Variants in DPYD observed in about 807,000 individuals in gnomAD.
The protein encoded by DPYD is dihydropyrimidine dehydrogenase, also known as dihydropyrimidine dehydrogenase [NADP(+)].
DPYD carries 109 observed loss-of-function variants against 116.2 expected under a neutral mutation model. The observed-to-expected ratio is 0.94, with a 90% CI of 0.80 to 1.10. The LOEUF is 1.10. Ranked by LOEUF, DPYD falls within the 50% of genes least tolerant of loss-of-function variation. The pLI is 0.00. For synonymous variants in DPYD, 440 were observed against 432.0 expected, an observed-to-expected ratio of 1.02 and a Z score of -0.23; for missense variants, 1,302 against 1,254.5, an observed-to-expected ratio of 1.04 and a Z score of -0.57.
intron 3 of DPYD, among the ~76,000 whole-genome samples, chr1:97,770,526 G>A (rs1392200909): frequency 1.3e-5 from 2 of 152,066 alleles, no homozygotes; most frequent in African/African-American, 4.8e-5. Flanking sequence ...AAAACTGTTT[G>A]GAATGTAAAG....
intron 2 of DPYD, among the ~76,000 whole-genome samples, chr1:97,845,035 G>T (rs534899823): frequency 6.6e-6 from 1 of 152,324 alleles, no homozygotes; most frequent in East Asian, 1.9e-4. Flanking sequence ...GAAAGCAGGG[G>T]GTGCTGAGGG....
intron 20 of DPYD, among the ~76,000 whole-genome samples, chr1:97,174,212 C>G (rs1657090659): frequency 1.3e-5 from 2 of 152,156 alleles, no homozygotes. Context: ...AGGTTCTGTT[C>G]TGGAAGCTTT....
intron 2 of DPYD, among the ~76,000 whole-genome samples, chr1:97,860,169 C>G (rs1671049116): frequency 6.6e-6 from 1 of 151,894 alleles, no homozygotes; most frequent in Non-Finnish European, 1.5e-5. Context: ...ATAACGAAAC[C>G]CTGTCTCTAC....
chr1:97,879,058 TC>T (rs1357209058), intron 2 of DPYD, among the ~76,000 whole-genome samples: 1 of 151,978 alleles, frequency 6.6e-6, no homozygotes, highest in Non-Finnish European at 1.5e-5. Flanking sequence ...CTAAAAGAGC[TC>T]TCTGGCAATT....
At chr1:97,177,997 G>A (rs1171365789) in intron 20 of DPYD, among the ~76,000 whole-genome samples, 3 of 152,034 alleles carry the variant, frequency 2.0e-5, no homozygotes, top group Non-Finnish European at 2.9e-5. Context: ...TTATAAGGAC[G>A]CTAATTTTAT....
At chr1:97,835,163 G>A (rs1191496829) in intron 2 of DPYD, among the ~76,000 whole-genome samples, 1 of 151,998 alleles carries the variant, frequency 6.6e-6, no homozygotes, top group African/African-American at 2.4e-5. Flanking sequence ...AGGAGAGGTA[G>A]GAGCTATGCA....
intron 8 of DPYD, among the ~76,000 whole-genome samples, chr1:97,670,011 C>T (rs968903957): frequency 6.6e-6 from 1 of 152,076 alleles, no homozygotes; most frequent in African/African-American, 2.4e-5. Flanking sequence ...CATCTCCTAG[C>T]TCTATTTGAA....
intron 3 of DPYD, among the ~76,000 whole-genome samples, chr1:97,814,555 T>C (rs574231347): frequency 8.5e-4 from 130 of 152,170 alleles, no homozygotes; most frequent in Middle Eastern, 6.8e-3. Context: ...TCTTACTGAT[T>C]AGATGCGCAT....
At chr1:97,882,080 C>T (rs982490379) in intron 2 of DPYD, among the ~76,000 whole-genome samples, 1 of 151,494 alleles carries the variant, frequency 6.6e-6, no homozygotes. Flanking sequence ...TATTCAATTG[C>T]TCTTATCATT....
chr1:97,698,623 T>A (rs1440352504), intron 6 of DPYD, among the ~76,000 whole-genome samples: 1 of 151,896 alleles, frequency 6.6e-6, no homozygotes, highest in Non-Finnish European at 1.5e-5. Context: ...ATTTTTTTGA[T>A]AATATACATA....
rs71071637 is a variant in DPYD at position 97,195,634 on chromosome 1, G to GTATATA, written c.2443-2392_2443-2387dup. Among the ~76,000 whole-genome samples, 148 of 57,572 alleles carry GTATATA rather than the reference G, an allele frequency of 2.6e-3. 2 individuals carry two copies. The highest frequency in any genetic ancestry group is 3.0e-3 in the Non-Finnish European group (90 of 30,104). The allele number at this position is 57,572 out of a possible 152,430, so 37.8% of individuals were successfully genotyped here. On this transcript the variant is annotated intron_variant, in intron 19 of 22. Transcript: ENST00000370192. ...TATATATGTATGTGTATATGTATGTGTATATATATATATATATATATATAT... is the reference window on the plus strand; with the variant it reads ...TATATATGTATGTGTATATGTATGTGTATATATATATATATATATATATATATATAT...
chr1:97,623,372 T>C (rs187986223), intron 8 of DPYD, among the ~76,000 whole-genome samples: 2 of 152,172 alleles, frequency 1.3e-5, no homozygotes, highest in Non-Finnish European at 2.9e-5. Flanking sequence ...TGTTCTCTTA[T>C]GGAAAGTAAA....
chr1:97,192,500 G>A (rs1318149442), intron 20 of DPYD, among the ~76,000 whole-genome samples: 1 of 152,114 alleles, frequency 6.6e-6, no homozygotes, highest in Non-Finnish European at 1.5e-5. Flanking sequence ...AATGCTGAAT[G>A]TTGTTTTAGC....
At position 97,699,483 on chromosome 1, in the gene DPYD, G is replaced by T. The variant is rs1189404590; in HGVS notation, c.548C>A (p.Ser183Tyr). Reference protein sequence around the residue: ...NPSLPPPEKMSEAYSAKIALF... With the variant: ...NPSLPPPEKMYEAYSAKIALF... ...AGCAATCTTTGCAGAATAGGCTTCA[G>T]ACATTTTTTCTGGGGGAGGCAGCGA... Residue 183 changes from serine (S) to tyrosine (Y), a missense_variant, in exon 6 of 23, where the codon TCT (serine) becomes TAT (tyrosine). Physicochemically the swap from Ser to Tyr is moderately radical, Grantham distance 144 (BLOSUM62 -2). Coordinates refer to ENST00000370192, the MANE Select transcript of DPYD (RefSeq NM_000110.4). 3 of 1,613,474 alleles carry T rather than the reference G, an allele frequency of 1.9e-6. No homozygotes were observed. Among genetic ancestry groups the T allele is most frequent in the Middle Eastern group, 1.6e-4 (1 of 6,082 alleles).
intron 4 of DPYD, among the ~76,000 whole-genome samples, chr1:97,734,837 CCA>C (rs1401936894): frequency 6.6e-6 from 1 of 151,806 alleles, no homozygotes; most frequent in Non-Finnish European, 1.5e-5. Context: ...AGCTCAAGGC[CCA>C]CCTAAAGTCT....
At chr1:97,918,948 A>G (rs1674363406) in intron 1 of DPYD, among the ~76,000 whole-genome samples, 1 of 152,208 alleles carries the variant, frequency 6.6e-6, no homozygotes, top group Non-Finnish European at 1.5e-5. Flanking sequence ...AAAAGCATTC[A>G]AATTTGATGG....
chr1:97,762,707 G>GA (rs1293198627), intron 3 of DPYD, among the ~76,000 whole-genome samples: 4 of 151,934 alleles, frequency 2.6e-5, no homozygotes. Flanking sequence ...TTCTTGACTA[G>GA]AATATAATTG....
chr1:97,199,734 G>T (rs1429942196), intron 19 of DPYD, among the ~76,000 whole-genome samples: 4 of 152,004 alleles, frequency 2.6e-5, no homozygotes, highest in Non-Finnish European at 2.9e-5. Context: ...CATTTAGCTT[G>T]TTGATTCCCT....
At chr1:97,717,629 A>G (rs1430565554) in intron 5 of DPYD, among the ~76,000 whole-genome samples, 1 of 151,974 alleles carries the variant, frequency 6.6e-6, no homozygotes, top group Non-Finnish European at 1.5e-5. Context: ...CACAAAGTCT[A>G]TTGTATCATT....
Sources: gnomAD v4.1 joint callset for allele counts (sites outside exome capture counted in the v4.1 genomes callset) on GRCh38, gnomAD v4.1.1 for gene constraint, MANE v1.5 for transcripts, NCBI Gene and HGNC (gene_info 2026-07-23, HGNC 2026-07-21) for gene names.